Variants in SH3KBP1 observed in about 807,000 individuals in gnomAD.
The protein encoded by SH3KBP1 is SH3 domain-containing kinase-binding protein 1.
In SH3KBP1, 8 loss-of-function variants were observed where a neutral mutation model predicts 50.1. The ratio of observed to expected loss-of-function variants is 0.16; its 90% CI spans 0.09 to 0.29. SH3KBP1 has a LOEUF of 0.29. Ranked by LOEUF, SH3KBP1 falls within the 10% of genes least tolerant of loss-of-function variation. SH3KBP1 has a pLI of 1.00. For synonymous variants in SH3KBP1, 227 were observed against 218.6 expected, an observed-to-expected ratio of 1.04 and a Z score of -0.34; for missense variants, 377 against 535.2, an observed-to-expected ratio of 0.70 and a Z score of 2.92.
chrX:19,609,405 G>A (rs2067338934), intron 8 of SH3KBP1, among the ~76,000 whole-genome samples: 1 of 111,795 alleles, frequency 8.9e-6, no homozygotes, highest in African/African-American at 3.3e-5. Context: ...CAGGCATCCT[G>A]ACCCTGAGCC....
intron 2 of SH3KBP1, among the ~76,000 whole-genome samples, chrX:19,796,210 A>G (rs2066709442): frequency 8.9e-6 from 1 of 112,043 alleles, no homozygotes; most frequent in South Asian, 3.7e-4. Context: ...GACACTGAGT[A>G]CATCAACAAA....
chrX:19,647,934 C>A, intron 6 of SH3KBP1: 1 of 341,171 alleles, frequency 2.9e-6, no homozygotes, highest in South Asian at 2.8e-5. Context: ...CATTTGAGAA[C>A]CACTGACCTA....
At chrX:19,769,488 CCAAA>C (rs2065720515) in intron 2 of SH3KBP1, among the ~76,000 whole-genome samples, 1 of 110,734 alleles carries the variant, frequency 9.0e-6, no homozygotes, top group Non-Finnish European at 1.9e-5. Flanking sequence ...GCATCACTTG[CCAAA>C]CAAACAAAAA....
At chrX:19,832,617 G>A (rs2067926581) in intron 2 of SH3KBP1, among the ~76,000 whole-genome samples, 1 of 110,713 alleles carries the variant, frequency 9.0e-6, no homozygotes, top group African/African-American at 3.3e-5. Flanking sequence ...AAATCCACAT[G>A]AGCAGGGAGT....
At chrX:19,598,248 T>TA (rs1349149197) in intron 9 of SH3KBP1, among the ~76,000 whole-genome samples, 3 of 107,613 alleles carry the variant, frequency 2.8e-5, no homozygotes, top group Non-Finnish European at 5.8e-5. Flanking sequence ...TTTATTTATT[T>TA]ATTTATTTAT....
chrX:19,649,303 T>C (rs2062067113), intron 6 of SH3KBP1, among the ~76,000 whole-genome samples: 1 of 111,861 alleles, frequency 8.9e-6, no homozygotes, highest in Admixed American at 9.5e-5. Context: ...CATTTTGCCA[T>C]ATGACTTTAT....
intron 12 of SH3KBP1, among the ~76,000 whole-genome samples, chrX:19,582,725 T>C (rs2066415801): frequency 9.0e-6 from 1 of 111,638 alleles, no homozygotes; most frequent in Non-Finnish European, 1.9e-5. Flanking sequence ...CACCTGCCCC[T>C]GGCCACTCAG....
At chrX:19,865,359 CA>C (rs1203030570) in intron 1 of SH3KBP1, among the ~76,000 whole-genome samples, 2 of 111,841 alleles carry the variant, frequency 1.8e-5, no homozygotes, top group African/African-American at 6.5e-5. Flanking sequence ...TCATTCTTTG[CA>C]ACGTATTTTT....
In SH3KBP1 at chrX:19,544,174, G is replaced by A. The variant is rs988066124; in HGVS notation, c.1623+1748C>T. Among the ~76,000 whole-genome samples, 4 of 110,722 alleles carry A rather than the reference G, an allele frequency of 3.6e-5. No individual in the cohort carries two copies. In the East Asian group the frequency reaches 8.6e-4, roughly 24 times the overall value. ...GCCATCATTCCCAGCCTCTCTGCTC[G>A]CCTTTTTTCTGCCAAGTTACCATTG... On this transcript the variant is annotated intron_variant, in intron 15 of 17. Coordinates refer to ENST00000397821, the MANE Select transcript of SH3KBP1 (RefSeq NM_031892.3).
chrX:19,757,145 C>CTTTTT (rs34733630), intron 2 of SH3KBP1, among the ~76,000 whole-genome samples: 2 of 74,697 alleles, frequency 2.7e-5, no homozygotes, highest in Admixed American at 1.5e-4. Context: ...TTATTGACTG[C>CTTTTT]TTTTTTTTTT....
At chrX:19,702,516 T>C (rs2063554569) in intron 4 of SH3KBP1, among the ~76,000 whole-genome samples, 2 of 109,870 alleles carry the variant, frequency 1.8e-5, no homozygotes, top group Admixed American at 9.6e-5. Context: ...AAAGAACACA[T>C]AAAAGCAAGA....
intron 2 of SH3KBP1, among the ~76,000 whole-genome samples, chrX:19,780,764 C>T (rs959438821): frequency 1.4e-4 from 15 of 109,627 alleles, no homozygotes; most frequent in African/African-American, 5.0e-4. Context: ...AGACATGCGG[C>T]GTTATTTCTG....
chrX:19,643,020 T>C (rs957387251), intron 7 of SH3KBP1, among the ~76,000 whole-genome samples: 11 of 111,086 alleles, frequency 9.9e-5, no homozygotes, highest in Admixed American at 7.7e-4. Flanking sequence ...ATTTTTGTTA[T>C]AGTTTGTCTT....
chrX:19,746,690 T>C (rs1228570742), intron 2 of SH3KBP1, among the ~76,000 whole-genome samples: 1 of 111,982 alleles, frequency 8.9e-6, no homozygotes, highest in Non-Finnish European at 1.9e-5. Flanking sequence ...GGCCATTCCA[T>C]GTGACTATAA....
chrX:19,836,967 G>A (rs917478800), intron 1 of SH3KBP1, among the ~76,000 whole-genome samples: 3 of 112,071 alleles, frequency 2.7e-5, no homozygotes, highest in African/African-American at 6.5e-5. Flanking sequence ...GGATGTGTTT[G>A]CTTTCCCTTC....
chrX:19,538,711 C>T (rs1602387253), intron 16 of SH3KBP1, among the ~76,000 whole-genome samples: 1 of 109,281 alleles, frequency 9.2e-6, no homozygotes. Context: ...CTCAGCCTCC[C>T]GAGGAGCTGG....
At chrX:19,556,736 G>C (rs1271451857) in intron 13 of SH3KBP1, among the ~76,000 whole-genome samples, 1 of 111,182 alleles carries the variant, frequency 9.0e-6, no homozygotes, top group Non-Finnish European at 1.9e-5. Context: ...GCAGTGGTGT[G>C]ATCATAGCTC....
chrX:19,565,839 T>C lies in SH3KBP1; in HGVS notation c.1384+3264A>G, dbSNP rs142853485. Among the ~76,000 whole-genome samples, 449 of 111,965 alleles carry C rather than the reference T, an allele frequency of 4.0e-3. 2 individuals are homozygous for C. Among genetic ancestry groups the C allele is most frequent in the African/African-American group, 0.014 (421 of 30,784 alleles). ...AGATCAAAGTCCAGGTGGACCTTGA[T>C]TTTTTAAAATGGTGTACAACAATAC... On this transcript the variant is annotated intron_variant, in intron 13 of 17. Transcript: ENST00000397821.
At chrX:19,576,328 C>T (rs746499784) in intron 12 of SH3KBP1, among the ~76,000 whole-genome samples, 1 of 110,631 alleles carries the variant, frequency 9.0e-6, no homozygotes, top group Non-Finnish European at 1.9e-5. Flanking sequence ...ATAGAAATAA[C>T]AGCAGCTCAC....
Sources: allele counts gnomAD v4.1 joint callset (sites outside exome capture counted in the v4.1 genomes callset), GRCh38; gene constraint gnomAD v4.1.1; transcripts MANE v1.5; gene names NCBI Gene and HGNC (gene_info 2026-07-23, HGNC 2026-07-21).